The following PTPRG variants were observed in gnomAD, a reference collection of about 807,000 sequenced individuals.
The protein encoded by PTPRG is receptor-type tyrosine-protein phosphatase gamma.
In PTPRG, 102 loss-of-function variants were observed where a neutral mutation model predicts 165.3. The ratio of observed to expected loss-of-function variants is 0.62; its 90% CI spans 0.53 to 0.73. PTPRG has a LOEUF of 0.73. Among genes scored for constraint, PTPRG ranks in the 30% least tolerant of loss-of-function variants. PTPRG has a pLI of 0.00. For synonymous variants in PTPRG, 675 were observed against 669.5 expected (o/e 1.01, Z -0.13); for missense variants, 1,866 against 1,861.4 (o/e 1.00, Z -0.05).
chr3:62,107,905 G>T (rs922737316), intron 5 of PTPRG, among the ~76,000 whole-genome samples: 1 of 152,134 alleles, frequency 6.6e-6, no homozygotes, highest in Non-Finnish European at 1.5e-5. Context: ...TGATAAATCC[G>T]TGGAAATCTC....
chr3:61,729,285 C>T (rs2032394578), intron 1 of PTPRG, among the ~76,000 whole-genome samples: 2 of 152,126 alleles, frequency 1.3e-5, no homozygotes, highest in African/African-American at 2.4e-5. Flanking sequence ...CCGTATGTTT[C>T]AGGATGGCTT....
At chr3:62,290,261 C>T (rs1009221978) in intron 28 of PTPRG, among the ~76,000 whole-genome samples, 9 of 152,184 alleles carry the variant, frequency 5.9e-5, no homozygotes, top group East Asian at 3.9e-4. Context: ...GAGAAAAACT[C>T]AAGATTGAAA....
intron 1 of PTPRG, among the ~76,000 whole-genome samples, chr3:61,606,796 A>C (rs889553699): frequency 6.6e-6 from 1 of 152,154 alleles, no homozygotes; most frequent in Non-Finnish European, 1.5e-5. Flanking sequence ...AATTTTATTC[A>C]CCAGGGAGGA....
chr3:61,934,207 G>C (rs2039431763), intron 2 of PTPRG, among the ~76,000 whole-genome samples: 2 of 152,126 alleles, frequency 1.3e-5, no homozygotes, highest in Admixed American at 1.3e-4. Flanking sequence ...ATATAGAGAT[G>C]TGTATATATT....
intron 1 of PTPRG, among the ~76,000 whole-genome samples, chr3:61,587,598 A>G (rs561810449): frequency 6.6e-6 from 1 of 152,344 alleles, no homozygotes; most frequent in South Asian, 2.1e-4. Flanking sequence ...TTAGTTAATT[A>G]TCCCACTAAT....
At chr3:62,052,500 C>G (rs1700498196) in intron 4 of PTPRG, among the ~76,000 whole-genome samples, 1 of 152,170 alleles carries the variant, frequency 6.6e-6, no homozygotes, top group East Asian at 1.9e-4. Context: ...CGAAACCAGC[C>G]TGGGCAAGAT....
At chr3:62,178,136 AGGATGGATGGAT>A (rs66547961) in intron 8 of PTPRG, among the ~76,000 whole-genome samples, 50 of 141,636 alleles carry the variant, frequency 3.5e-4, no homozygotes, top group Admixed American at 5.7e-4. Context: ...AATGGATGGG[AGGATGGATGGAT>A]GGATGGATGG....
chr3:61,619,429 G>T (rs1701389242), intron 1 of PTPRG, among the ~76,000 whole-genome samples: 1 of 152,186 alleles, frequency 6.6e-6, no homozygotes, highest in Non-Finnish European at 1.5e-5. Context: ...CGACTGTCAG[G>T]ACTGGGAGGA....
At chr3:61,835,967 G>A (rs2036445041) in intron 2 of PTPRG, among the ~76,000 whole-genome samples, 1 of 151,792 alleles carries the variant, frequency 6.6e-6, no homozygotes, top group Non-Finnish European at 1.5e-5. Flanking sequence ...TTGAAGCTGG[G>A]AGGTGGAGGA....
At chr3:61,753,694 A>G (rs960756060) in intron 2 of PTPRG, 14 of 418,906 alleles carry the variant, frequency 3.3e-5, no homozygotes, top group South Asian at 2.3e-4. Context: ...CCTGAGTTCA[A>G]GCAATTCTCA....
rs1703320092 is a variant in PTPRG, at chr3:62,127,081, T to G, written c.616-5521T>G. ...ATTGTTTTCAATATAGCTCAGTGGT[T>G]AGTGGTTTCATGCTAAAATTGTCTT... On this transcript the variant is annotated intron_variant, in intron 5 of 29. Transcript: ENST00000474889. Among the ~76,000 whole-genome samples the G allele has an allele frequency of 2.0e-5, 3 of 152,230 alleles. No individual in the cohort carries two copies. In the South Asian group the frequency reaches 6.2e-4, roughly 31 times the overall value.
intron 4 of PTPRG, among the ~76,000 whole-genome samples, chr3:62,072,035 A>G (rs945498181): frequency 2.6e-5 from 4 of 152,242 alleles, no homozygotes; most frequent in Non-Finnish European, 4.4e-5. Flanking sequence ...GTAGGAAACC[A>G]GACATATACA....
At chr3:61,941,913 C>T (rs1166953772) in intron 2 of PTPRG, among the ~76,000 whole-genome samples, 1 of 151,936 alleles carries the variant, frequency 6.6e-6, no homozygotes, top group African/African-American at 2.4e-5. Context: ...AATCCCAATA[C>T]TTTGGAAGGT....
intron 2 of PTPRG, among the ~76,000 whole-genome samples, chr3:61,764,780 A>G (rs910079459): frequency 5.9e-5 from 9 of 152,182 alleles, no homozygotes; most frequent in African/African-American, 2.2e-4. Context: ...CTTGCTTAGG[A>G]TAAATTTTGC....
chr3:61,647,727 G>A (rs6801025), intron 1 of PTPRG, among the ~76,000 whole-genome samples: 26,973 of 146,946 alleles, frequency 0.18, 2,554 homozygotes, highest in Middle Eastern at 0.26. Flanking sequence ...GGGAGGCGGA[G>A]CTTGCAGTGA....
At chr3:62,114,418 G>A (rs192332298) in intron 5 of PTPRG, among the ~76,000 whole-genome samples, 1 of 152,288 alleles carries the variant, frequency 6.6e-6, no homozygotes, top group African/African-American at 2.4e-5. Context: ...CAGGTAATCA[G>A]TTGACCATAT....
chr3:61,741,396 C>G (rs1360652267), intron 1 of PTPRG, among the ~76,000 whole-genome samples: 1 of 152,176 alleles, frequency 6.6e-6, no homozygotes, highest in Non-Finnish European at 1.5e-5. Context: ...ACCCATCACC[C>G]TAAGTAGTTT....
intron 3 of PTPRG, among the ~76,000 whole-genome samples, chr3:61,990,524 A>G (rs1261067064): frequency 1.3e-5 from 2 of 152,140 alleles, no homozygotes; most frequent in Admixed American, 1.3e-4. Context: ...CCTCTCAATT[A>G]CTGTTGTGCA....
At chr3:62,175,874 C>T (rs764157124) in intron 8 of PTPRG, among the ~76,000 whole-genome samples, 1 of 152,070 alleles carries the variant, frequency 6.6e-6, no homozygotes, top group Non-Finnish European at 1.5e-5. Flanking sequence ...GGCCCTGAGG[C>T]ATGGGATCCA....
Sources: gnomAD v4.1 joint callset for allele counts (sites outside exome capture counted in the v4.1 genomes callset) on GRCh38, gnomAD v4.1.1 for gene constraint, MANE v1.5 for transcripts, NCBI Gene and HGNC (gene_info 2026-07-23, HGNC 2026-07-21) for gene names.